The following SEC23IP variants were observed in gnomAD, a reference collection of about 807,000 sequenced individuals.
SEC23IP encodes SEC23-interacting protein.
A neutral mutation model predicts 113.4 loss-of-function variants in SEC23IP; 70 were observed. The ratio of observed to expected loss-of-function variants is 0.62; its 90% CI spans 0.51 to 0.75. The LOEUF (loss-of-function observed/expected upper bound fraction) is 0.75. Among genes scored for constraint, SEC23IP ranks in the 30% least tolerant of loss-of-function variants. The probability of loss-of-function intolerance (pLI) is 0.00; values close to 1 mark genes in which losing one functional copy is unlikely to be tolerated. For synonymous variants in SEC23IP, 398 were observed against 421.0 expected (o/e 0.95, Z 0.67); for missense variants, 1,160 against 1,204.9 (o/e 0.96, Z 0.55).
Position 119,898,766 on chromosome 10 carries a change from T to C in SEC23IP, c.503T>C (p.Phe168Ser), listed in dbSNP as rs1325434672. Residue 168 changes from phenylalanine to serine, a missense_variant, in exon 2 of 19, where the codon TTT becomes TCT. By Grantham distance (155) the Phe-to-Ser change is radical. Coordinates refer to ENST00000369075, the MANE Select transcript of SEC23IP (RefSeq NM_007190.4). ...SQPSSLPPSY[F>S]GNQPQGIPQP... Reference sequence around the variant, plus strand: ...CCAAGTAGTCTCCCTCCTTCATATTTTGGGAACCAACCCCAAGGAATTCCC... The same window carrying C: ...CCAAGTAGTCTCCCTCCTTCATATTCTGGGAACCAACCCCAAGGAATTCCC... The C allele has an allele frequency of 2.5e-6, 4 of 1,614,082 alleles. No individual in the cohort carries two copies. Among genetic ancestry groups the C allele is most frequent in the Non-Finnish European group, 3.4e-6 (4 of 1,180,050 alleles).
chr10:119,901,832 C>T (rs1185630624), intron 2 of SEC23IP, among the ~76,000 whole-genome samples: 1 of 151,876 alleles, frequency 6.6e-6, no homozygotes. Context: ...GATTGCAGGC[C>T]TGTGCCACCA....
chr10:119,913,252 G>A (rs1039090694), intron 6 of SEC23IP, among the ~76,000 whole-genome samples: 5 of 152,072 alleles, frequency 3.3e-5, no homozygotes, highest in African/African-American at 1.2e-4. Flanking sequence ...GTTTTGTTGT[G>A]TGGAGAAGCA....
Position 119,915,812 on chromosome 10 carries a change from C to T in SEC23IP, c.1467C>T (p.Asp489=), listed in dbSNP as rs145679618. ...LRTHFKKSLD[D]GKVSRVEFLP... Reference sequence around the variant, plus strand: ...CACATTTCAAGAAATCTTTAGATGACGGGAAAGTAAGCAGAGTGGAGTTCC... The same window carrying T: ...CACATTTCAAGAAATCTTTAGATGATGGGAAAGTAAGCAGAGTGGAGTTCC... Residue 489 remains aspartate (D), a synonymous_variant, in exon 8 of 19, where the codon GAC becomes GAT. Transcript: ENST00000369075. 348 of 1,601,202 alleles carry T rather than the reference C, an allele frequency of 2.2e-4. 1 individual carries two copies. The highest frequency in any genetic ancestry group is 5.1e-4 in the Admixed American group (30 of 59,286).
In SEC23IP at chr10:119,917,983, A is replaced by T. The variant is rs557084040; in HGVS notation, c.1692A>T (p.Ala564=). The T allele has an allele frequency of 1.2e-6, 2 of 1,613,880 alleles. No homozygotes were observed. The highest frequency in any genetic ancestry group is 1.7e-6 in the Non-Finnish European group (2 of 1,179,962). ...KVGMEINHLH[A]LFMSRNPDFK... Reference sequence around the variant, plus strand: ...GAATGGAGATAAACCATCTGCATGCACTCTTTATGAGTCGGAACCCAGACT... The same window carrying T: ...GAATGGAGATAAACCATCTGCATGCTCTCTTTATGAGTCGGAACCCAGACT... Residue 564 remains alanine, a synonymous_variant, in exon 9 of 19, where the codon GCA becomes GCT. Coordinates refer to ENST00000369075, the MANE Select transcript of SEC23IP (RefSeq NM_007190.4).
At chr10:119,912,639 TTTC>T (rs869193831) in intron 6 of SEC23IP, among the ~76,000 whole-genome samples, 6,069 of 148,032 alleles carry the variant, frequency 0.041, 226 homozygotes, top group South Asian at 0.22. Flanking sequence ...TCTTTTTCTT[TTTC>T]TTTTTTTTTT....
At chr10:119,914,256 G>A (rs1260353865) in intron 6 of SEC23IP, among the ~76,000 whole-genome samples, 1 of 152,162 alleles carries the variant, frequency 6.6e-6, no homozygotes, top group Non-Finnish European at 1.5e-5. Context: ...ATGTGCTTTG[G>A]TTTCTTCTGT....
intron 2 of SEC23IP, among the ~76,000 whole-genome samples, chr10:119,902,484 T>C (rs1854529161): frequency 6.6e-6 from 1 of 152,224 alleles, no homozygotes; most frequent in Non-Finnish European, 1.5e-5. Context: ...TTTTTAATTT[T>C]TAATTTTTGT....
intron 18 of SEC23IP, among the ~76,000 whole-genome samples, chr10:119,935,535 A>G (rs1351490743): frequency 6.6e-6 from 1 of 152,030 alleles, no homozygotes; most frequent in African/African-American, 2.4e-5. Flanking sequence ...TCCCATATCT[A>G]TCTATCCATC....
intron 11 of SEC23IP, among the ~76,000 whole-genome samples, chr10:119,919,866 C>T (rs1050134969): frequency 2.0e-5 from 3 of 152,164 alleles, no homozygotes; most frequent in African/African-American, 7.2e-5. Flanking sequence ...ATTTGCAACA[C>T]ACATTATAGA....
intron 12 of SEC23IP, among the ~76,000 whole-genome samples, chr10:119,924,768 A>G (rs977407687): frequency 2.6e-5 from 4 of 151,782 alleles, no homozygotes; most frequent in Admixed American, 6.6e-5. Flanking sequence ...ATGGAAACGC[A>G]TAGATCTTTT....
Position 119,941,578 on chromosome 10 carries a change from A to T in SEC23IP, c.*1013A>T, listed in dbSNP as rs1466231952. 6.6e-6 allele frequency: 1 copy of T among 152,448 alleles called. No homozygotes were observed. The highest frequency in any genetic ancestry group is 2.4e-5 in the African/African-American group (1 of 41,400). The allele number at this position is 152,448 out of a possible 1,614,324, so 9.4% of individuals were successfully genotyped here. A position where few individuals can be genotyped will look rare whatever the true frequency, so the allele number is the denominator to read the frequency against. The stretch of plus-strand genomic sequence containing the variant: ...TTCCTAATACTATGTGGGAATGCTG[A>T]TTTTCTTTTGTTACGTAGTGGAAAC... On this transcript the variant is annotated 3_prime_UTR_variant, in exon 19 of 19. Coordinates refer to ENST00000369075, the MANE Select transcript of SEC23IP (RefSeq NM_007190.4).
In SEC23IP at chr10:119,892,732, T is replaced by A. The variant is rs1473911399; in HGVS notation, c.-51T>A. The A allele has an allele frequency of 7.8e-6, 12 of 1,541,862 alleles. No individual in the cohort carries two copies. Among genetic ancestry groups the A allele is most frequent in the Non-Finnish European group, 1.1e-5 (12 of 1,141,142 alleles). ...AGGAGCGTGATCGGTTTCCGGTCAGTGGTGTGGTACCGGGTACCCGGAGAC... is the reference window on the plus strand; with the variant it reads ...AGGAGCGTGATCGGTTTCCGGTCAGAGGTGTGGTACCGGGTACCCGGAGAC... On this transcript the variant is annotated 5_prime_UTR_variant, in exon 1 of 19. Coordinates refer to ENST00000369075, the MANE Select transcript of SEC23IP (RefSeq NM_007190.4).
rs771481909 is a variant in SEC23IP, at chr10:119,942,978, A to G, written c.*2413A>G. On this transcript the variant is annotated 3_prime_UTR_variant, in exon 19 of 19. Transcript: ENST00000369075. ...TGCCGCTATCTTGGCAGGGATGATCATGTATTTGAAATAGTAACTCACAGC... is the reference window on the plus strand; with the variant it reads ...TGCCGCTATCTTGGCAGGGATGATCGTGTATTTGAAATAGTAACTCACAGC... The G allele has an allele frequency of 2.0e-5, 3 of 152,222 alleles. No individual in the cohort carries two copies. Among genetic ancestry groups the G allele is most frequent in the Non-Finnish European group, 4.4e-5 (3 of 68,044 alleles). The allele number at this position is 152,222 out of a possible 1,614,324, so 9.4% of individuals were successfully genotyped here. A position where few individuals can be genotyped will look rare whatever the true frequency, so the allele number is the denominator to read the frequency against.
At chr10:119,915,966 T>C in intron 8 of SEC23IP, 77 bp downstream of exon 8, 2 of 1,183,326 alleles carry the variant, frequency 1.7e-6, no homozygotes, top group Non-Finnish European at 1.1e-6. Flanking sequence ...ATGAAATAGT[T>C]TATTGTAGCT....
At chr10:119,914,627 T>C (rs921238475) in intron 6 of SEC23IP, 103 bp from the exon 7 acceptor site, 4 of 883,312 alleles carry the variant, frequency 4.5e-6, no homozygotes, top group Non-Finnish European at 7.5e-6. Flanking sequence ...ATGAATTTCT[T>C]TGGCAAGTTT....
intron 4 of SEC23IP, among the ~76,000 whole-genome samples, chr10:119,906,036 G>A (rs1267395483): frequency 6.6e-6 from 1 of 152,068 alleles, no homozygotes; most frequent in Admixed American, 6.6e-5. Context: ...AGCACTCTGG[G>A]AGGCCAAGGT....
intron 5 of SEC23IP, among the ~76,000 whole-genome samples, chr10:119,911,621 A>G (rs1854866758): frequency 6.6e-6 from 1 of 151,924 alleles, no homozygotes; most frequent in African/African-American, 2.4e-5. Flanking sequence ...TTCTGCAGGC[A>G]TGCACTACCA....
intron 12 of SEC23IP, among the ~76,000 whole-genome samples, chr10:119,921,511 G>C (rs1278250657): frequency 6.6e-6 from 1 of 152,102 alleles, no homozygotes; most frequent in Non-Finnish European, 1.5e-5. Context: ...CTTCCTTACA[G>C]GATTGGAGTA....
At position 119,898,849 on chromosome 10, in the gene SEC23IP, A is replaced by G. The variant is rs1854380407; in HGVS notation, c.586A>G (p.Ile196Val). Reference sequence around the variant, plus strand: ...TGGCAGCAGCAGGGCTAATCCTTACATTGCACCACCCCAGCTGCAGCAGTG... The same window carrying G: ...TGGCAGCAGCAGGGCTAATCCTTACGTTGCACCACCCCAGCTGCAGCAGTG... The part of the protein sequence containing the change: ...TPGSSRANPY[I>V]APPQLQQCQT... The change falls in exon 2 of 19, where the codon ATT becomes GTT. Residue 196 changes from isoleucine (I) to valine (V), a missense_variant. Transcript: ENST00000369075. 7 of 1,612,566 alleles carry G rather than the reference A, an allele frequency of 4.3e-6. No individual in the cohort carries two copies. Among genetic ancestry groups the G allele is most frequent in the Non-Finnish European group, 5.9e-6 (7 of 1,179,990 alleles).
Sources: gnomAD v4.1 joint callset for allele counts (sites outside exome capture counted in the v4.1 genomes callset) on GRCh38, gnomAD v4.1.1 for gene constraint, MANE v1.5 for transcripts, NCBI Gene and HGNC (gene_info 2026-07-23, HGNC 2026-07-21) for gene names.